Variants in MISP observed in about 807,000 individuals in gnomAD.
The protein encoded by MISP is mitotic interactor and substrate of PLK1.
Under a neutral mutation model 49.3 loss-of-function variants are expected in MISP, and 51 were observed. The ratio of observed to expected loss-of-function variants is 1.03; its 90% CI spans 0.83 to 1.31. MISP has a LOEUF of 1.31. Ranked by LOEUF, MISP falls within the 50% of genes most tolerant of loss-of-function variation. The pLI, the probability that MISP is intolerant of heterozygous loss-of-function variation, is 0.00. For missense variants in MISP, 1,084 were observed against 935.1 expected (o/e 1.16, Z -2.08); for synonymous variants, 444 against 392.6 (o/e 1.13, Z -1.55).
chr19:759,563 C>A (rs1339098004), intron 2 of MISP, among the ~76,000 whole-genome samples: 2 of 152,006 alleles, frequency 1.3e-5, no homozygotes, highest in Non-Finnish European at 2.9e-5. Flanking sequence ...CCACGCCTGG[C>A]TAATTTTTTT....
rs138410950 is a variant in MISP at position 754,799 on chromosome 19, G to A, written c.-57-2091G>A. On this transcript the variant is annotated intron_variant, in intron 1 of 4. Transcript: ENST00000215582. ...CAGAAACAGGCAGCCTCGAGACAGA[G>A]AGAGCTGCAGGTAGAGGAGGAGGGC... Among the ~76,000 whole-genome samples, 249 of 152,258 alleles carry A rather than the reference G, an allele frequency of 1.6e-3. 2 individuals are homozygous for A. The highest frequency in any genetic ancestry group is 5.5e-3 in the African/African-American group (229 of 41,556).
rs764141550 is a variant in MISP at position 763,618 on chromosome 19, C to T, written c.*28C>T. ...CTCGGGATGGGGCGCCCACCCCCTG[C>T]CCTGCCCTGACCCTCGTGGGAACTG... On this transcript the variant is annotated 3_prime_UTR_variant, in exon 5 of 5. Transcript: ENST00000215582. The T allele has an allele frequency of 6.5e-7, 1 of 1,548,078 alleles. No individual in the cohort carries two copies. Among genetic ancestry groups the T allele is most frequent in the East Asian group, 2.3e-5 (1 of 44,336 alleles).
chr19:757,327 TGCTGGGGACGCTGACCCCAGGAG>T lies in MISP; in HGVS notation c.386_408del (p.Gly129ValfsTer2). On this transcript the variant is annotated frameshift_variant, in exon 2 of 5. Coordinates refer to ENST00000215582, the MANE Select transcript of MISP (RefSeq NM_173481.4). LOFTEE classifies it high-confidence loss of function. Reference sequence around the variant, plus strand: ...AGGAGATGAAGACCTACCGCCTGGATGCTGGGGACGCTGACCCCAGGAGGCTGTGTGACCTGGAGCGGGAGCGC... The same window carrying T: ...AGGAGATGAAGACCTACCGCCTGGATGCTGTGTGACCTGGAGCGGGAGCGC... 1 of 1,613,924 alleles carries T rather than the reference TGCTGGGGACGCTGACCCCAGGAG, an allele frequency of 6.2e-7. No individual in the cohort carries two copies. Among genetic ancestry groups the T allele is most frequent in the Non-Finnish European group, 8.5e-7 (1 of 1,179,940 alleles).
rs754131543 is a variant in MISP at position 757,826 on chromosome 19, G to A, written c.880G>A (p.Glu294Lys). 2.5e-6 allele frequency: 4 copies of A among 1,611,350 alleles called. No homozygotes were observed. The highest frequency in any genetic ancestry group is 3.4e-6 in the Non-Finnish European group (4 of 1,178,626). The change falls in exon 2 of 5, where the codon GAG becomes AAG. Residue 294 changes from glutamate (E) to lysine (K), a missense_variant. Glu to Lys is a moderately conservative substitution (Grantham distance 56, BLOSUM62 1). Coordinates refer to ENST00000215582, the MANE Select transcript of MISP (RefSeq NM_173481.4). Reference protein sequence around the residue: ...SPGTPKETPIEREIRLAQERE... With the variant: ...SPGTPKETPIKREIRLAQERE... Reference sequence around the variant, plus strand: ...GGGGACCCCCAAGGAGACGCCCATCGAGCGGGAGATCCGTCTGGCTCAGGA... The same window carrying A: ...GGGGACCCCCAAGGAGACGCCCATCAAGCGGGAGATCCGTCTGGCTCAGGA...
intron 4 of MISP, among the ~76,000 whole-genome samples, chr19:762,110 G>T (rs1028447096): frequency 3.5e-5 from 4 of 113,498 alleles, no homozygotes; most frequent in Non-Finnish European, 7.0e-5. Flanking sequence ...ACCACGCCCG[G>T]CTATTTTTTT....
intron 4 of MISP, among the ~76,000 whole-genome samples, chr19:761,987 G>A (rs183297026): frequency 1.1e-4 from 16 of 151,942 alleles, no homozygotes; most frequent in Middle Eastern, 3.4e-3. Context: ...TCGCTCTGTC[G>A]CCCAGGCTGG....
upstream of MISP, among the ~76,000 whole-genome samples, chr19:750,670 G>A (rs1170382043): frequency 6.6e-6 from 1 of 152,194 alleles, no homozygotes; most frequent in East Asian, 1.9e-4. Flanking sequence ...GCCAAACCTG[G>A]TTTATGCAAG....
intron 1 of MISP, among the ~76,000 whole-genome samples, chr19:752,097 C>T (rs1025121320): frequency 5.3e-5 from 8 of 152,176 alleles, no homozygotes; most frequent in Non-Finnish European, 8.8e-5. Flanking sequence ...GCTCTGTCAT[C>T]GCTGTGTGAC....
At chr19:752,030 G>A (rs2033467190) in intron 1 of MISP, among the ~76,000 whole-genome samples, 2 of 152,266 alleles carry the variant, frequency 1.3e-5, no homozygotes, top group South Asian at 4.1e-4. Flanking sequence ...AACCCAGGGG[G>A]CTTCCTGTAG....
rs765856233 is a variant in MISP, at chr19:760,071, G to C, written c.1911+32G>C. 10 of 1,612,192 alleles carry C rather than the reference G, an allele frequency of 6.2e-6. No individual in the cohort carries two copies. In the African/African-American group the frequency reaches 1.3e-4, roughly 22 times the overall value. On this transcript the variant is annotated intron_variant, in intron 3 of 4. Coordinates refer to ENST00000215582, the MANE Select transcript of MISP (RefSeq NM_173481.4). ...CTGGAACCCGTCTCTGCAGAGGCCA[G>C]GCTGAGGTCAGACAGCCCCTATTAG...
At chr19:752,767 T>C (rs764247078) in intron 1 of MISP, among the ~76,000 whole-genome samples, 1 of 149,112 alleles carries the variant, frequency 6.7e-6, no homozygotes, top group Non-Finnish European at 1.5e-5. Context: ...TGACGTCTGA[T>C]GTGGGTTATA....
chr19:763,833 C>T lies in MISP; in HGVS notation c.*243C>T. 1.9e-6 allele frequency: 1 copy of T among 519,848 alleles called. No individual in the cohort carries two copies. Among genetic ancestry groups the T allele is most frequent in the Admixed American group, 3.2e-5 (1 of 31,054 alleles). 32.2% of individuals were successfully genotyped at this position (519,848 alleles called of 1,614,324 possible). A position where few individuals can be genotyped will look rare whatever the true frequency, so the allele number is the denominator to read the frequency against. ...AAAGCTTTTGGGGATGAAATGGGAC[C>T]CCTGCTGATTCTTTCTGCTTCTAAG... On this transcript the variant is annotated 3_prime_UTR_variant, in exon 5 of 5. Transcript: ENST00000215582.
At chr19:763,233 C>T (rs1458345509) in intron 4 of MISP, among the ~76,000 whole-genome samples, 4 of 152,134 alleles carry the variant, frequency 2.6e-5, no homozygotes, top group African/African-American at 7.2e-5. Flanking sequence ...GCCAAGATCG[C>T]GCCACTGCAG....
At chr19:763,400 TA>T (rs1568246261) in intron 4 of MISP, 100 bp from the exon 5 acceptor site, 1 of 768,776 alleles carries the variant, frequency 1.3e-6, no homozygotes, top group African/African-American at 1.7e-5. Context: ...GATCCTACTT[TA>T]CCCCCGTTCT....
Position 763,772 on chromosome 19 carries a change from T to C in MISP, c.*182T>C. The C allele has an allele frequency of 1.7e-6, 1 of 577,248 alleles. No individual in the cohort carries two copies. Among genetic ancestry groups the C allele is most frequent in the Non-Finnish European group, 3.1e-6 (1 of 323,856 alleles). The allele number at this position is 577,248 out of a possible 1,614,324, so 35.8% of individuals were successfully genotyped here. On this transcript the variant is annotated 3_prime_UTR_variant, in exon 5 of 5. Coordinates refer to ENST00000215582, the MANE Select transcript of MISP (RefSeq NM_173481.4). Reference sequence around the variant, plus strand: ...CTGTTGGGTTTTTCGTTTCCGTTTCTATCTTCCTTTAGAAATGTTTCTGCC... The same window carrying C: ...CTGTTGGGTTTTTCGTTTCCGTTTCCATCTTCCTTTAGAAATGTTTCTGCC...
At position 763,789 on chromosome 19, in the gene MISP, G is replaced by A. The variant is rs2144972335; in HGVS notation, c.*199G>A. On this transcript the variant is annotated 3_prime_UTR_variant, in exon 5 of 5. Transcript: ENST00000215582. ...TCCGTTTCTATCTTCCTTTAGAAAT[G>A]TTTCTGCCTTTGGGGTCTAAAGCTT... 1.8e-6 allele frequency: 1 copy of A among 569,292 alleles called. No individual in the cohort carries two copies. The allele number at this position is 569,292 out of a possible 1,614,324, so 35.3% of individuals were successfully genotyped here.
chr19:752,794 C>T (rs1387158633), intron 1 of MISP, among the ~76,000 whole-genome samples: 3 of 151,806 alleles, frequency 2.0e-5, no homozygotes, highest in Admixed American at 6.6e-5. Flanking sequence ...GCTGTGTAAA[C>T]GTCTGTCCAC....
upstream of MISP, among the ~76,000 whole-genome samples, chr19:749,183 C>A (rs1311579076): frequency 6.6e-6 from 1 of 152,164 alleles, no homozygotes; most frequent in Non-Finnish European, 1.5e-5. Flanking sequence ...GGAGGCCAGC[C>A]TCAGCCTGGG....
At position 757,363 on chromosome 19, in the gene MISP, G is replaced by A. The variant is rs988439292; in HGVS notation, c.417G>A (p.Leu139=). 1.2e-6 allele frequency: 2 copies of A among 1,612,868 alleles called. No individual in the cohort carries two copies. Among genetic ancestry groups the A allele is most frequent in the Non-Finnish European group, 1.7e-6 (2 of 1,179,622 alleles). ...CTGACCCCAGGAGGCTGTGTGACCT[G>A]GAGCGGGAGCGCTGGGCCGTCATCC... The part of the protein sequence containing the change: ...GDADPRRLCD[L]ERERWAVIQG... The change falls in exon 2 of 5, where the codon CTG becomes CTA. Residue 139 remains leucine, a synonymous_variant. Coordinates refer to ENST00000215582, the MANE Select transcript of MISP (RefSeq NM_173481.4).
Sources: allele counts gnomAD v4.1 joint callset (sites outside exome capture counted in the v4.1 genomes callset), GRCh38; gene constraint gnomAD v4.1.1; transcripts MANE v1.5; gene names NCBI Gene and HGNC (gene_info 2026-07-23, HGNC 2026-07-21).